Variants in RBL1 observed in about 807,000 individuals in gnomAD.
The protein encoded by RBL1 is retinoblastoma-like protein 1.
RBL1 carries 82 observed loss-of-function variants against 123.0 expected under a neutral mutation model. That is an observed-to-expected ratio of 0.67 (90% CI 0.56 to 0.80). RBL1 has a LOEUF of 0.80. Among genes scored for constraint, RBL1 ranks in the 30% least tolerant of loss-of-function variants. The pLI, the probability that RBL1 is intolerant of heterozygous loss-of-function variation, is 0.00. For synonymous variants in RBL1, 405 were observed against 441.3 expected (o/e 0.92, Z 1.03); for missense variants, 1,171 against 1,299.6 (o/e 0.90, Z 1.52).
intron 7 of RBL1, among the ~76,000 whole-genome samples, chr20:37,062,492 T>C (rs2065112038): frequency 6.6e-6 from 1 of 152,060 alleles, no homozygotes; most frequent in African/African-American, 2.4e-5. Context: ...AGACTACATA[T>C]ACTTAATCTG....
At position 36,998,897 on chromosome 20, in the gene RBL1, T is replaced by C. The variant is rs1371099530; in HGVS notation, c.3069A>G (p.Gln1023=). ...CTCGCTTCTTGGTTCTCTGCTCACCTTGCCTTATCATGTTGTTGATATCTT... is the reference window on the plus strand; with the variant it reads ...CTCGCTTCTTGGTTCTCTGCTCACCCTGCCTTATCATGTTGTTGATATCTT... ...SLKDINNMIR[Q]GEQRTKKRVI... The change falls in exon 22 of 22, where the codon CAA becomes CAG. Residue 1023 remains glutamine (Q), a synonymous_variant. Coordinates refer to ENST00000373664, the MANE Select transcript of RBL1 (RefSeq NM_002895.5). 6.2e-7 allele frequency: 1 copy of C among 1,613,538 alleles called. No individual in the cohort carries two copies. Among genetic ancestry groups the C allele is most frequent in the Non-Finnish European group, 8.5e-7 (1 of 1,179,762 alleles).
intron 14 of RBL1, among the ~76,000 whole-genome samples, chr20:37,036,627 T>C (rs997517474): frequency 7.4e-5 from 2 of 27,074 alleles, no homozygotes; most frequent in Non-Finnish European, 1.3e-4. Context: ...TTTTCTTTTC[T>C]TTTTTTTTTT....
Position 37,061,174 on chromosome 20 carries a change from A to G in RBL1, c.1179T>C (p.Ser393=). ...VITPVASATQ[S]VSRLQSIVAG... The stretch of plus-strand genomic sequence containing the variant: ...CCACAATACTCTGTAACCGGCTCAC[A>G]CTTTGGGTGGCTGATGCAACAGGAG... Residue 393 remains serine (S), a synonymous_variant, in exon 9 of 22, where the codon AGT becomes AGC. Transcript: ENST00000373664. 1 of 1,614,056 alleles carries G rather than the reference A, an allele frequency of 6.2e-7. No individual in the cohort carries two copies. The highest frequency in any genetic ancestry group is 8.5e-7 in the Non-Finnish European group (1 of 1,179,962).
intron 13 of RBL1, among the ~76,000 whole-genome samples, chr20:37,041,910 C>T (rs2064734150): frequency 6.6e-6 from 1 of 151,584 alleles, no homozygotes; most frequent in Admixed American, 6.6e-5. Flanking sequence ...GCCTCTACCA[C>T]AAATATAAAG....
chr20:37,000,094 C>T, intron 21 of RBL1, among the ~76,000 whole-genome samples: 1 of 151,182 alleles, frequency 6.6e-6, no homozygotes, highest in Non-Finnish European at 1.5e-5. Context: ...GGGAGCGCCT[C>T]TGCCCTGCTG....
At chr20:37,031,335 C>G (rs1227635890) in intron 16 of RBL1, among the ~76,000 whole-genome samples, 1 of 151,844 alleles carries the variant, frequency 6.6e-6, no homozygotes, top group Non-Finnish European at 1.5e-5. Context: ...AGAACTCCTA[C>G]AATTTAACAA....
At chr20:37,005,271 G>GTAA (rs2064052229) in intron 20 of RBL1, among the ~76,000 whole-genome samples, 2 of 152,108 alleles carry the variant, frequency 1.3e-5, no homozygotes, top group Middle Eastern at 6.8e-3. Flanking sequence ...GCTGGGCGTG[G>GTAA]TGACAGGCGC....
intron 19 of RBL1, among the ~76,000 whole-genome samples, chr20:37,015,272 A>T (rs956545026): frequency 2.6e-5 from 4 of 152,140 alleles, no homozygotes; most frequent in Admixed American, 2.0e-4. Context: ...TGTAGCTCAG[A>T]TACTTGCTAG....
At chr20:37,008,576 C>T (rs1433190198) in intron 19 of RBL1, among the ~76,000 whole-genome samples, 1 of 152,200 alleles carries the variant, frequency 6.6e-6, no homozygotes, top group Non-Finnish European at 1.5e-5. Context: ...GTATTACAAA[C>T]TATCATTTAC....
At chr20:37,075,599 G>A (rs2146317275) in intron 2 of RBL1, among the ~76,000 whole-genome samples, 1 of 152,146 alleles carries the variant, frequency 6.6e-6, no homozygotes, top group South Asian at 2.1e-4. Context: ...GGGATTATAG[G>A]CACATGCCAC....
chr20:37,077,738 G>A (rs1280009812), intron 2 of RBL1, among the ~76,000 whole-genome samples: 3 of 146,722 alleles, frequency 2.0e-5, no homozygotes, highest in Admixed American at 1.4e-4. Context: ...TGAGAGTCAC[G>A]TTTAGCTTTC....
At chr20:37,077,996 G>A (rs541156661) in intron 2 of RBL1, among the ~76,000 whole-genome samples, 1 of 152,228 alleles carries the variant, frequency 6.6e-6, no homozygotes, top group Admixed American at 6.5e-5. Flanking sequence ...TTTCAGCCTG[G>A]AACCAGTTCC....
At chr20:37,080,394 T>C (rs991371950) in intron 2 of RBL1, among the ~76,000 whole-genome samples, 9 of 148,726 alleles carry the variant, frequency 6.1e-5, no homozygotes, top group Non-Finnish European at 1.2e-4. Flanking sequence ...TGGCCTCAAG[T>C]GATCTGCCCA....
intron 2 of RBL1, among the ~76,000 whole-genome samples, chr20:37,083,911 AT>A (rs1256871744): frequency 3.6e-3 from 504 of 141,406 alleles, no homozygotes; most frequent in African/African-American, 4.1e-3. Context: ...TTTTTAATGG[AT>A]TTTTTTTTTT....
intron 6 of RBL1, among the ~76,000 whole-genome samples, chr20:37,066,068 A>C (rs1425315055): frequency 6.6e-6 from 1 of 152,252 alleles, no homozygotes; most frequent in African/African-American, 2.4e-5. Flanking sequence ...CTTAAAGAAA[A>C]ATCTCATAAT....
At chr20:37,010,982 A>G (rs1310674062) in intron 19 of RBL1, among the ~76,000 whole-genome samples, 1 of 151,560 alleles carries the variant, frequency 6.6e-6, no homozygotes, top group African/African-American at 2.4e-5. Flanking sequence ...TGCCCAGCTA[A>G]TTTTTTATTT....
chr20:37,037,528 T>G (rs2064637299), intron 14 of RBL1, among the ~76,000 whole-genome samples: 1 of 152,206 alleles, frequency 6.6e-6, no homozygotes, highest in South Asian at 2.1e-4. Flanking sequence ...TTTTTACTAT[T>G]TTTTCATTTC....
In RBL1 at chr20:37,062,958, G is replaced by C. The variant is rs1299078287; in HGVS notation, c.897-688C>G. Among the ~76,000 whole-genome samples, 4 of 152,132 alleles carry C rather than the reference G, an allele frequency of 2.6e-5. No individual in the cohort carries two copies. In the East Asian group the frequency reaches 5.8e-4, roughly 22 times the overall value. On this transcript the variant is annotated intron_variant, in intron 7 of 21. Coordinates refer to ENST00000373664, the MANE Select transcript of RBL1 (RefSeq NM_002895.5). ...GATCGCGCCACTGCACTCCAGCCTG[G>C]GCGACAGAGCGAGACTCCGTCTCCA...
Position 37,035,455 on chromosome 20 carries a change from C to A in RBL1, c.1957G>T (p.Ala653Ser), listed in dbSNP as rs751292145. Residue 653 changes from alanine (A) to serine (S), a missense_variant, in exon 15 of 22, where the codon GCA becomes TCA. By Grantham distance (99) the Ala-to-Ser change is moderately conservative (BLOSUM62 1). Transcript: ENST00000373664. ...SVHERYSSPT[A>S]GSAKRRLFGE... ...AAGAGTCTTCTCTTAGCACTCCCTG[C>A]GGTAGGAGAACTGTAGCGTTCATGG... The A allele has an allele frequency of 3.1e-6, 5 of 1,612,626 alleles. No individual in the cohort carries two copies. The highest frequency in any genetic ancestry group is 4.2e-6 in the Non-Finnish European group (5 of 1,179,194).
Sources: gnomAD v4.1 joint callset for allele counts (sites outside exome capture counted in the v4.1 genomes callset) on GRCh38, gnomAD v4.1.1 for gene constraint, MANE v1.5 for transcripts, NCBI Gene and HGNC (gene_info 2026-07-23, HGNC 2026-07-21) for gene names.